FGD4: variants seen among roughly 807,000 people sequenced by gnomAD.
The protein encoded by FGD4 is FYVE, RhoGEF and PH domain-containing protein 4.
In FGD4, 42 loss-of-function variants were observed where a neutral mutation model predicts 102.0. The ratio of observed to expected loss-of-function variants is 0.41; its 90% CI spans 0.32 to 0.53. The LOEUF is 0.53. FGD4 is among the 20% of genes least tolerant of loss of function. The pLI is 0.21. For missense variants in FGD4, 902 were observed against 1,078.2 expected, an observed-to-expected ratio of 0.84 and a Z score of 2.29; for synonymous variants, 380 against 375.7, an observed-to-expected ratio of 1.01 and a Z score of -0.13.
intron 7 of FGD4, 81 bp from the exon 8 acceptor site, chr12:32,607,876 C>T (rs769426132): frequency 4.5e-5 from 69 of 1,535,204 alleles, no homozygotes; most frequent in Admixed American, 1.0e-4. Context: ...TTGCCCTTGA[C>T]GAAAGTTCTG....
chr12:32,421,771 A>G (rs151006590), intron 1 of FGD4, among the ~76,000 whole-genome samples: 1 of 152,292 alleles, frequency 6.6e-6, no homozygotes, highest in African/African-American at 2.4e-5. Flanking sequence ...CAAAAAACCA[A>G]CAACAACAAA....
intron 10 of FGD4, among the ~76,000 whole-genome samples, chr12:32,618,891 A>G (rs1592428166): frequency 6.6e-6 from 1 of 152,210 alleles, no homozygotes; most frequent in Non-Finnish European, 1.5e-5. Context: ...ACTTGAACCC[A>G]GAAGTTAAAG....
chr12:32,531,606 C>T (rs529705441), intron 1 of FGD4, among the ~76,000 whole-genome samples: 3 of 152,298 alleles, frequency 2.0e-5, no homozygotes, highest in African/African-American at 4.8e-5. Context: ...TATCTTTGTT[C>T]ATCCCTTGTT....
At chr12:32,533,595 G>A (rs1941991758) in intron 1 of FGD4, among the ~76,000 whole-genome samples, 1 of 151,976 alleles carries the variant, frequency 6.6e-6, no homozygotes, top group Non-Finnish European at 1.5e-5. Context: ...CCGGCTAATT[G>A]TTGTATTTTT....
intron 1 of FGD4, among the ~76,000 whole-genome samples, chr12:32,519,961 T>TA (rs1240990489): frequency 6.6e-6 from 1 of 151,984 alleles, no homozygotes; most frequent in Non-Finnish European, 1.5e-5. Context: ...TAAAATAAAA[T>TA]AAAAAATCTT....
chr12:32,622,425 A>G (rs1363752355), intron 11 of FGD4, among the ~76,000 whole-genome samples: 1 of 152,232 alleles, frequency 6.6e-6, no homozygotes, highest in Non-Finnish European at 1.5e-5. Flanking sequence ...ACAGGCAATC[A>G]TCACTTTATA....
At chr12:32,414,867 G>A (rs1941343499) in intron 1 of FGD4, among the ~76,000 whole-genome samples, 1 of 152,134 alleles carries the variant, frequency 6.6e-6, no homozygotes, top group Non-Finnish European at 1.5e-5. Context: ...TCTTTAAGAT[G>A]AATGTTAGGT....
intron 7 of FGD4, among the ~76,000 whole-genome samples, chr12:32,603,606 C>CT (rs1948573186): frequency 1.3e-5 from 2 of 152,126 alleles, no homozygotes; most frequent in South Asian, 4.2e-4. Flanking sequence ...GGGATGATCT[C>CT]TATCTCCTGA....
intron 1 of FGD4, among the ~76,000 whole-genome samples, chr12:32,476,040 C>T (rs1437171650): frequency 6.6e-6 from 1 of 152,108 alleles, no homozygotes. Flanking sequence ...TCTTGGAATT[C>T]TCCTTAGTTG....
In FGD4 at chr12:32,525,879, G is replaced by A. The variant is rs535085557; in HGVS notation, c.167-38258G>A. 8.4e-3 allele frequency among the ~76,000 whole-genome samples: 1,286 copies of A among 152,350 alleles called. 9 individuals carry two copies. Among genetic ancestry groups the A allele is most frequent in the Non-Finnish European group, 0.012 (822 of 68,028 alleles). On this transcript the variant is annotated intron_variant, in intron 1 of 16. Coordinates refer to ENST00000534526, the MANE Select transcript of FGD4 (RefSeq NM_001370298.3). ...CTGCTGGCCCACCGGTGCTGCGCTC[G>A]ATTTCTCACCGGGCCTTAGCTGCCT...
intron 4 of FGD4, among the ~76,000 whole-genome samples, chr12:32,585,482 G>GCT (rs1946949048): frequency 6.6e-6 from 1 of 151,830 alleles, no homozygotes; most frequent in African/African-American, 2.4e-5. Context: ...GCCTCAGTCT[G>GCT]CTGAGGGGTG....
In FGD4 at chr12:32,601,311, CG is replaced by C; in HGVS notation, c.1136del (p.Arg379GlnfsTer9). On this transcript the variant is annotated frameshift_variant, in exon 6 of 17. Coordinates refer to ENST00000534526, the MANE Select transcript of FGD4 (RefSeq NM_001370298.3). LOFTEE classifies it high-confidence loss of function. ...FYCKLLEEAN[R>X]GSFPAEMVNK... Reference sequence around the variant, plus strand: ...TTGCAAACTGTTGGAAGAAGCAAACCGAGGCTCGTTTCCAGCAGAGATGGTG... The same window carrying C: ...TTGCAAACTGTTGGAAGAAGCAAACCAGGCTCGTTTCCAGCAGAGATGGTG... 6.2e-7 allele frequency: 1 copy of C among 1,613,988 alleles called. No homozygotes were observed. Among genetic ancestry groups the C allele is most frequent in the Non-Finnish European group, 8.5e-7 (1 of 1,179,984 alleles).
At chr12:32,435,187 C>T (rs898839994) in intron 1 of FGD4, among the ~76,000 whole-genome samples, 1 of 152,144 alleles carries the variant, frequency 6.6e-6, no homozygotes, top group Non-Finnish European at 1.5e-5. Context: ...AGGTGATCCG[C>T]CCACCTTGGC....
intron 1 of FGD4, among the ~76,000 whole-genome samples, chr12:32,472,636 G>C (rs1346885813): frequency 1.3e-5 from 2 of 152,246 alleles, no homozygotes; most frequent in African/African-American, 4.8e-5. Context: ...CTGCTCCACG[G>C]CGCCCAGTCC....
At chr12:32,407,901 A>T (rs1451666443) in intron 1 of FGD4, among the ~76,000 whole-genome samples, 1 of 151,940 alleles carries the variant, frequency 6.6e-6, no homozygotes, top group Non-Finnish European at 1.5e-5. Context: ...GTTACCTTCC[A>T]TGGTTTGCCC....
chr12:32,626,419 G>A (rs532361770), intron 14 of FGD4, among the ~76,000 whole-genome samples: 5 of 149,118 alleles, frequency 3.4e-5, no homozygotes, highest in South Asian at 4.2e-4. Context: ...ACTCCAGCCC[G>A]GGCAGCAAGA....
chr12:32,482,974 T>C (rs1287483482), intron 1 of FGD4, among the ~76,000 whole-genome samples: 11 of 152,228 alleles, frequency 7.2e-5, no homozygotes, highest in Non-Finnish European at 1.3e-4. Context: ...GAGGTTGTTA[T>C]GAGGAGAGCA....
intron 1 of FGD4, among the ~76,000 whole-genome samples, chr12:32,558,902 TA>T (rs1944323626): frequency 6.6e-6 from 1 of 152,188 alleles, no homozygotes; most frequent in African/African-American, 2.4e-5. Flanking sequence ...GGGTTAATAC[TA>T]AAAAGTGGTT....
rs1949691376 is a variant in FGD4, at chr12:32,619,819, C to T, written c.1871C>T (p.Pro624Leu). The stretch of plus-strand genomic sequence containing the variant: ...GTAGAGACTCAAAATGAAGAATATC[C>T]ACATACTTTCCAGGTGTCTGGGAAA... ...KIVETQNEEY[P>L]HTFQVSGKER... Residue 624 changes from proline to leucine, a missense_variant, in exon 11 of 17, where the codon CCA (proline) becomes CTA (leucine). Pro to Leu is a moderately conservative substitution (Grantham distance 98). This residue lies in a region of FGD4 where 459 missense variants were observed against 619.0 expected (regional missense o/e 0.74). Transcript: ENST00000534526. 1 of 1,614,128 alleles carries T rather than the reference C, an allele frequency of 6.2e-7. No individual in the cohort carries two copies. Among genetic ancestry groups the T allele is most frequent in the Non-Finnish European group, 8.5e-7 (1 of 1,180,036 alleles).
Sources: allele counts gnomAD v4.1 joint callset (sites outside exome capture counted in the v4.1 genomes callset), GRCh38; gene constraint gnomAD v4.1.1; regional missense constraint gnomAD v4.1.1; transcripts MANE v1.5; gene names NCBI Gene and HGNC (gene_info 2026-07-23, HGNC 2026-07-21).